The following XPR1 variants were observed in gnomAD, a reference collection of about 807,000 sequenced individuals.
XPR1 encodes xenotropic and polytropic retrovirus receptor 1.
In XPR1, 28 loss-of-function variants were observed where a neutral mutation model predicts 87.5. That is an observed-to-expected ratio of 0.32 (90% CI 0.24 to 0.44). The LOEUF (loss-of-function observed/expected upper bound fraction) is 0.44, where lower values mean the gene tolerates loss of function less well. XPR1 is among the 20% of genes least tolerant of loss of function. XPR1 has a pLI of 1.00. For missense variants in XPR1, 559 were observed against 862.3 expected (o/e 0.65, Z 4.41); for synonymous variants, 300 against 306.1 (o/e 0.98, Z 0.21).
At chr1:180,882,500 G>A (rs1269765969) in intron 14 of XPR1, among the ~76,000 whole-genome samples, 3 of 151,998 alleles carry the variant, frequency 2.0e-5, no homozygotes, top group African/African-American at 4.8e-5. Flanking sequence ...GGCACTACAC[G>A]CCTGCACCCC....
In XPR1 at chr1:180,889,686, G is replaced by A. The variant is rs1479242906; in HGVS notation, c.*5620G>A. 6.6e-6 allele frequency: 1 copy of A among 152,166 alleles called. No individual in the cohort carries two copies. Among genetic ancestry groups the A allele is most frequent in the Non-Finnish European group, 1.5e-5 (1 of 68,030 alleles). 9.4% of individuals were successfully genotyped at this position (152,166 alleles called of 1,614,324 possible). A position where few individuals can be genotyped will look rare whatever the true frequency, so the allele number is the denominator to read the frequency against. On this transcript the variant is annotated 3_prime_UTR_variant, in exon 15 of 15. Transcript: ENST00000367590. The stretch of plus-strand genomic sequence containing the variant: ...ATCACGTTGTGAAGATTAATTTCTT[G>A]CCATTTTCTGGATTAGCACAGAAGC...
intron 11 of XPR1, among the ~76,000 whole-genome samples, chr1:180,850,407 G>A (rs530025298): frequency 6.6e-6 from 1 of 152,080 alleles, no homozygotes; most frequent in African/African-American, 2.4e-5. Flanking sequence ...CCATAATATG[G>A]AATACATATT....
At chr1:180,807,529 A>G (rs185182580) in intron 6 of XPR1, among the ~76,000 whole-genome samples, 3 of 152,350 alleles carry the variant, frequency 2.0e-5, no homozygotes, top group Admixed American at 6.5e-5. Context: ...ATTGAAAACT[A>G]CAAAACACTG....
chr1:180,720,832 T>C (rs1489338204), intron 2 of XPR1, among the ~76,000 whole-genome samples: 1 of 152,234 alleles, frequency 6.6e-6, no homozygotes, highest in Non-Finnish European at 1.5e-5. Context: ...GTATGCTTTC[T>C]ATTCAAGAGT....
chr1:180,693,871 C>T (rs377611085), intron 2 of XPR1, among the ~76,000 whole-genome samples: 3 of 152,174 alleles, frequency 2.0e-5, no homozygotes, highest in African/African-American at 7.2e-5. Context: ...GATCACATCA[C>T]AGATTCTAGG....
intron 2 of XPR1, among the ~76,000 whole-genome samples, chr1:180,725,485 A>T (rs1197646855): frequency 2.0e-5 from 3 of 152,180 alleles, no homozygotes; most frequent in Non-Finnish European, 2.9e-5. Flanking sequence ...TTAATCTTTT[A>T]TGACTTCCAA....
At chr1:180,718,203 T>C (rs1055508569) in intron 2 of XPR1, among the ~76,000 whole-genome samples, 6 of 152,206 alleles carry the variant, frequency 3.9e-5, no homozygotes, top group African/African-American at 1.4e-4. Context: ...TTTTAAAAGG[T>C]CACTGAACTT....
intron 1 of XPR1, among the ~76,000 whole-genome samples, chr1:180,670,073 A>G (rs958813654): frequency 2.6e-5 from 4 of 152,036 alleles, no homozygotes; most frequent in Admixed American, 2.0e-4. Context: ...TGTTGTTACT[A>G]TTTGTACAAA....
chr1:180,784,999 G>GTGTGTGTGTT (rs1649081565), intron 2 of XPR1, among the ~76,000 whole-genome samples: 1 of 119,770 alleles, frequency 8.3e-6, no homozygotes, highest in Non-Finnish European at 1.7e-5. Flanking sequence ...AGTTTTTTTC[G>GTGTGTGTGTT]TGTGTGTGTG....
intron 11 of XPR1, among the ~76,000 whole-genome samples, chr1:180,851,435 T>C (rs1441894005): frequency 5.9e-5 from 9 of 152,164 alleles, no homozygotes; most frequent in Admixed American, 5.2e-4. Flanking sequence ...ATAGACAGAA[T>C]TATTGGCATT....
At chr1:180,844,734 G>C (rs1226596749) in intron 11 of XPR1, among the ~76,000 whole-genome samples, 1 of 152,202 alleles carries the variant, frequency 6.6e-6, no homozygotes, top group Non-Finnish European at 1.5e-5. Flanking sequence ...CTGCAGGTTG[G>C]GTTTGGGTCT....
intron 11 of XPR1, among the ~76,000 whole-genome samples, chr1:180,846,937 G>A (rs545721867): frequency 1.7e-4 from 25 of 151,450 alleles, no homozygotes; most frequent in Non-Finnish European, 3.4e-4. Context: ...AGTAGCATTT[G>A]TATTTCTACT....
intron 2 of XPR1, among the ~76,000 whole-genome samples, chr1:180,683,186 A>G (rs956076315): frequency 1.2e-4 from 18 of 146,668 alleles, no homozygotes; most frequent in Admixed American, 4.2e-4. Flanking sequence ...TCATTGTTCA[A>G]TTCCCACCTA....
chr1:180,633,598 A>G (rs1279299887), intron 1 of XPR1, among the ~76,000 whole-genome samples: 4 of 152,174 alleles, frequency 2.6e-5, no homozygotes, highest in Admixed American at 6.5e-5. Context: ...AACCTAGAGT[A>G]TTTCATTATT....
At chr1:180,652,263 G>C (rs115240028) in intron 1 of XPR1, among the ~76,000 whole-genome samples, 2,392 of 152,090 alleles carry the variant, frequency 0.016, 73 homozygotes, top group African/African-American at 0.055. Flanking sequence ...TTGCACTCCA[G>C]CCTAGGAGAC....
At position 180,890,171 on chromosome 1, in the gene XPR1, T is replaced by C. The variant is rs923941926; in HGVS notation, c.*6105T>C. 2 of 152,244 alleles carry C rather than the reference T, an allele frequency of 1.3e-5. No individual in the cohort carries two copies. Among genetic ancestry groups the C allele is most frequent in the Non-Finnish European group, 2.9e-5 (2 of 68,048 alleles). 9.4% of individuals were successfully genotyped at this position (152,244 alleles called of 1,614,324 possible). A position where few individuals can be genotyped will look rare whatever the true frequency, so the allele number is the denominator to read the frequency against. The stretch of plus-strand genomic sequence containing the variant: ...ATAAAGCAAAAAGTTAATGTGGTTA[T>C]GTGTTTTTAAAGAAAATAAGTGATT... On this transcript the variant is annotated 3_prime_UTR_variant, in exon 15 of 15. Coordinates refer to ENST00000367590, the MANE Select transcript of XPR1 (RefSeq NM_004736.4).
At chr1:180,831,152 G>A (rs1651046365) in intron 9 of XPR1, among the ~76,000 whole-genome samples, 1 of 152,158 alleles carries the variant, frequency 6.6e-6, no homozygotes, top group South Asian at 2.1e-4. Context: ...GCCTCAGATG[G>A]AGTACCATCC....
chr1:180,639,770 G>A (rs370192515), intron 1 of XPR1, among the ~76,000 whole-genome samples: 35 of 152,134 alleles, frequency 2.3e-4, no homozygotes, highest in African/African-American at 8.2e-4. Flanking sequence ...AGTGTACATC[G>A]ATACATATAC....
intron 2 of XPR1, among the ~76,000 whole-genome samples, chr1:180,760,869 T>C (rs1388957157): frequency 1.3e-5 from 2 of 151,912 alleles, no homozygotes; most frequent in East Asian, 3.9e-4. Flanking sequence ...CAAACTATAC[T>C]ACAAGGCTAC....
Sources: allele counts gnomAD v4.1 joint callset (sites outside exome capture counted in the v4.1 genomes callset), GRCh38; gene constraint gnomAD v4.1.1; transcripts MANE v1.5; gene names NCBI Gene and HGNC (gene_info 2026-07-23, HGNC 2026-07-21).